CHRM3: variants seen among roughly 807,000 people sequenced by gnomAD.
The protein encoded by CHRM3 is cholinergic receptor muscarinic 3, also known as muscarinic acetylcholine receptor M3.
Under a neutral mutation model 41.8 loss-of-function variants are expected in CHRM3, and 11 were observed. The ratio of observed to expected loss-of-function variants is 0.26; its 90% CI spans 0.17 to 0.44. The LOEUF (loss-of-function observed/expected upper bound fraction) is 0.44, where lower values mean the gene tolerates loss of function less well. CHRM3 is among the 20% of genes least tolerant of loss of function. CHRM3 has a pLI of 1.00. For missense variants in CHRM3, 571 were observed against 745.4 expected (o/e 0.77, Z 2.72); for synonymous variants, 297 against 301.4 (o/e 0.99, Z 0.15).
intron 4 of CHRM3, among the ~76,000 whole-genome samples, chr1:239,643,549 C>T (rs754483832): frequency 1.3e-5 from 2 of 152,184 alleles, no homozygotes; most frequent in East Asian, 3.9e-4. Context: ...AGCGAGACTC[C>T]GTGGGCGTAG....
At chr1:239,690,438 C>A (rs1373935821) in intron 5 of CHRM3, among the ~76,000 whole-genome samples, 1 of 151,800 alleles carries the variant, frequency 6.6e-6, no homozygotes, top group Non-Finnish European at 1.5e-5. Context: ...ACCACGTTGG[C>A]CAGGATGGTC....
chr1:239,599,279 C>T (rs1182781760), intron 3 of CHRM3, among the ~76,000 whole-genome samples: 1 of 152,160 alleles, frequency 6.6e-6, no homozygotes, highest in Non-Finnish European at 1.5e-5. Flanking sequence ...CAGTGACACT[C>T]TTCCACAGTG....
At chr1:239,622,459 T>G (rs1221184336) in intron 3 of CHRM3, among the ~76,000 whole-genome samples, 1 of 152,208 alleles carries the variant, frequency 6.6e-6, no homozygotes, top group Non-Finnish European at 1.5e-5. Context: ...CATTCATGAT[T>G]CTTGAGAGGA....
chr1:239,733,335 C>T (rs929287793), intron 5 of CHRM3, among the ~76,000 whole-genome samples: 6 of 151,950 alleles, frequency 3.9e-5, no homozygotes, highest in African/African-American at 9.7e-5. Context: ...GGAAGAAGGA[C>T]GCAGAGAAAA....
At chr1:239,865,750 T>G (rs1676038387) in intron 6 of CHRM3, among the ~76,000 whole-genome samples, 1 of 152,182 alleles carries the variant, frequency 6.6e-6, no homozygotes, top group Admixed American at 6.5e-5. Context: ...AGCTGCGTTT[T>G]AAGAAGTGAC....
intron 6 of CHRM3, among the ~76,000 whole-genome samples, chr1:239,883,231 C>T (rs1256082893): frequency 2.6e-5 from 4 of 152,158 alleles, no homozygotes; most frequent in African/African-American, 9.7e-5. Flanking sequence ...CGTGATGTTC[C>T]TCCATCACTT....
chr1:239,444,160 G>A (rs1016892526), intron 1 of CHRM3, among the ~76,000 whole-genome samples: 6 of 152,090 alleles, frequency 3.9e-5, no homozygotes, highest in East Asian at 1.9e-4. Flanking sequence ...GAAAACGCCC[G>A]AGGCTGGCTG....
intron 5 of CHRM3, among the ~76,000 whole-genome samples, chr1:239,803,813 A>G (rs1012488810): frequency 2.0e-5 from 3 of 152,322 alleles, no homozygotes; most frequent in African/African-American, 4.8e-5. Context: ...GGTTCCACCA[A>G]GTGAAGCAGA....
At chr1:239,557,101 G>A (rs1296850904) in intron 3 of CHRM3, among the ~76,000 whole-genome samples, 1 of 152,286 alleles carries the variant, frequency 6.6e-6, no homozygotes, top group Admixed American at 6.5e-5. Context: ...AAGTAGGCCA[G>A]AGAGCTATCT....
chr1:239,559,127 C>T (rs140159070), intron 3 of CHRM3, among the ~76,000 whole-genome samples: 144 of 152,298 alleles, frequency 9.5e-4, no homozygotes, highest in Non-Finnish European at 1.7e-3. Context: ...ACAGCCATCT[C>T]TTATCACTTT....
chr1:239,435,892 G>A (rs1157774521), intron 1 of CHRM3, among the ~76,000 whole-genome samples: 1 of 152,146 alleles, frequency 6.6e-6, no homozygotes, highest in Non-Finnish European at 1.5e-5. Flanking sequence ...CTGGGCCACA[G>A]GCTGCTCCCC....
At chr1:239,853,546 T>C (rs1274980907) in intron 6 of CHRM3, among the ~76,000 whole-genome samples, 2 of 152,042 alleles carry the variant, frequency 1.3e-5, no homozygotes, top group East Asian at 3.8e-4. Flanking sequence ...TTATAAGACA[T>C]TGCCTTTTTA....
chr1:239,476,207 T>A (rs1666458159), intron 1 of CHRM3, among the ~76,000 whole-genome samples: 1 of 152,184 alleles, frequency 6.6e-6, no homozygotes. Context: ...GGCTCATGCC[T>A]GTAATCCCAG....
chr1:239,408,064 A>G (rs2883428), intron 1 of CHRM3, among the ~76,000 whole-genome samples: 33,574 of 151,896 alleles, frequency 0.22, 3,995 homozygotes, highest in Non-Finnish European at 0.26. Context: ...ATGTGTGGTG[A>G]GAGGGACCTG....
chr1:239,396,192 G>C (rs371358000), intron 1 of CHRM3, among the ~76,000 whole-genome samples: 28 of 152,036 alleles, frequency 1.8e-4, no homozygotes, highest in African/African-American at 5.8e-4. Context: ...TTCACTCTTG[G>C]TTTTAGTGTG....
At chr1:239,481,910 T>C (rs992272347) in intron 1 of CHRM3, among the ~76,000 whole-genome samples, 2 of 152,140 alleles carry the variant, frequency 1.3e-5, no homozygotes, top group African/African-American at 4.8e-5. Flanking sequence ...AGGGAAGTGA[T>C]TGATAACTTT....
At chr1:239,426,137 C>A in intron 1 of CHRM3, among the ~76,000 whole-genome samples, 1 of 20,008 alleles carries the variant, frequency 5.0e-5, no homozygotes, top group Non-Finnish European at 1.3e-4. Context: ...TATCCCTCCC[C>A]CCTCCCCCCT....
At chr1:239,743,861 T>C (rs1461886868) in intron 5 of CHRM3, among the ~76,000 whole-genome samples, 1 of 137,686 alleles carries the variant, frequency 7.3e-6, no homozygotes, top group Non-Finnish European at 1.5e-5. Context: ...AGTGCGATCA[T>C]AGCTCACTGC....
chr1:239,529,433 G>A (rs1327735344), intron 2 of CHRM3, among the ~76,000 whole-genome samples: 1 of 151,992 alleles, frequency 6.6e-6, no homozygotes, highest in Non-Finnish European at 1.5e-5. Flanking sequence ...CCAACATGGT[G>A]AATGCCTGTC....
Sources: gnomAD v4.1 joint callset for allele counts (sites outside exome capture counted in the v4.1 genomes callset) on GRCh38, gnomAD v4.1.1 for gene constraint, MANE v1.5 for transcripts, NCBI Gene and HGNC (gene_info 2026-07-23, HGNC 2026-07-21) for gene names.